CACNA1E: variants seen among roughly 807,000 people sequenced by gnomAD.
CACNA1E encodes the protein calcium voltage-gated channel subunit alpha1 E.
In CACNA1E, 40 loss-of-function variants were observed where a neutral mutation model predicts 259.2. The ratio of observed to expected loss-of-function variants is 0.15; its 90% CI spans 0.12 to 0.20. CACNA1E has a LOEUF of 0.20. CACNA1E is among the 10% of genes least tolerant of loss of function. The pLI is 1.00. For missense variants in CACNA1E, 1,874 were observed against 3,040.1 expected, an observed-to-expected ratio of 0.62 and a Z score of 9.02; for synonymous variants, 1,104 against 1,138.5, an observed-to-expected ratio of 0.97 and a Z score of 0.61.
rs202113478 is a variant in CACNA1E, at chr1:181,716,293, A to AT, written c.1315+167dup. On this transcript the variant is annotated intron_variant, in intron 10 of 47. Coordinates refer to ENST00000367573, the MANE Select transcript of CACNA1E (RefSeq NM_001205293.3). ...AATCGAATCTAGATTACAATGATTTATTTAAAAAAAAAAAAAAAAGGACCT... is the reference window on the plus strand; with the variant it reads ...AATCGAATCTAGATTACAATGATTTATTTTAAAAAAAAAAAAAAAAGGACCT... 1.4e-4 allele frequency among the ~76,000 whole-genome samples: 16 copies of AT among 118,386 alleles called. 1 individual carries two copies. In the South Asian group the frequency reaches 1.8e-3, roughly 13 times the overall value. 77.7% of individuals were successfully genotyped at this position (118,386 alleles called of 152,430 possible). A position where few individuals can be genotyped will look rare whatever the true frequency, so the allele number is the denominator to read the frequency against.
rs748785554 is a variant in CACNA1E at position 181,798,869 on chromosome 1, C to T, written c.*35C>T. The stretch of plus-strand genomic sequence containing the variant: ...CCCCCTCCGATGCATGCTCTTCTCT[C>T]ACATGGAGAAAACCAAGACAGAATT... On this transcript the variant is annotated 3_prime_UTR_variant, in exon 48 of 48. Transcript: ENST00000367573. This position sits in a 1 kb window ranked among gnomAD's most constrained non-coding sequence, Gnocchi z 4.2. 2.0e-6 allele frequency: 3 copies of T among 1,469,852 alleles called. No homozygotes were observed. The allele number at this position is 1,469,852 out of a possible 1,614,324, so 91.1% of individuals were successfully genotyped here. A position where few individuals can be genotyped will look rare whatever the true frequency, so the allele number is the denominator to read the frequency against.
At chr1:181,436,975 T>C (rs1287110801) in intron 2 of CACNA1E, among the ~76,000 whole-genome samples, 1 of 152,074 alleles carries the variant, frequency 6.6e-6, no homozygotes, top group Non-Finnish European at 1.5e-5. Flanking sequence ...ACCCCATAAA[T>C]ATATACAATT....
chr1:181,393,715 C>A (rs150175090), intron 1 of CACNA1E, among the ~76,000 whole-genome samples: 3,870 of 152,300 alleles, frequency 0.025, 173 homozygotes, highest in African/African-American at 0.086. Context: ...GCCTCAGCCT[C>A]CCAAAGTGCT....
At chr1:181,525,052 T>G (rs1160847306) in intron 3 of CACNA1E, among the ~76,000 whole-genome samples, 1 of 152,208 alleles carries the variant, frequency 6.6e-6, no homozygotes, top group Non-Finnish European at 1.5e-5. Flanking sequence ...AGATAAATAA[T>G]AAGATACCTG....
chr1:181,664,748 T>C (rs992976940), intron 7 of CACNA1E, among the ~76,000 whole-genome samples: 1 of 151,682 alleles, frequency 6.6e-6, no homozygotes, highest in Non-Finnish European at 1.5e-5. Flanking sequence ...TGCAGAGGTA[T>C]GGCGGGGGTG....
At chr1:181,731,067 G>A (rs1655427078) in intron 18 of CACNA1E, 108 bp from the exon 19 acceptor site, 3 of 797,182 alleles carry the variant, frequency 3.8e-6, no homozygotes, top group Admixed American at 2.0e-5. Flanking sequence ...GAGACCTGAT[G>A]GCCACACAGA....
At chr1:181,596,905 G>A (rs527772865) in intron 6 of CACNA1E, among the ~76,000 whole-genome samples, 11 of 152,052 alleles carry the variant, frequency 7.2e-5, no homozygotes, top group Non-Finnish European at 1.6e-4. Flanking sequence ...TGGGGTAGGG[G>A]CCTAGGTGTC....
intron 2 of CACNA1E, among the ~76,000 whole-genome samples, chr1:181,462,094 G>T (rs1035291745): frequency 1.3e-5 from 2 of 152,082 alleles, no homozygotes; most frequent in African/African-American, 4.8e-5. Flanking sequence ...ATGTGATTTT[G>T]AATAATTGCA....
chr1:181,711,978 G>A (rs1653416829), intron 8 of CACNA1E, among the ~76,000 whole-genome samples: 1 of 152,184 alleles, frequency 6.6e-6, no homozygotes, highest in South Asian at 2.1e-4. Context: ...GATAAGGCTG[G>A]AAGCAGAGGG....
chr1:181,586,549 C>T (rs1269405145), intron 6 of CACNA1E, among the ~76,000 whole-genome samples: 1 of 152,022 alleles, frequency 6.6e-6, no homozygotes, highest in East Asian at 1.9e-4. Flanking sequence ...AACCTGGTGT[C>T]CTGGGGCCAA....
At chr1:181,562,123 A>C (rs546819981) in intron 3 of CACNA1E, among the ~76,000 whole-genome samples, 1 of 151,836 alleles carries the variant, frequency 6.6e-6, no homozygotes, top group Non-Finnish European at 1.5e-5. Flanking sequence ...ATGATTTTTA[A>C]ATTTTTTGCT....
intron 8 of CACNA1E, among the ~76,000 whole-genome samples, 195 bp downstream of exon 8, chr1:181,711,264 C>T (rs1255689261): frequency 1.3e-5 from 2 of 152,248 alleles, no homozygotes; most frequent in African/African-American, 4.8e-5. Context: ...GTCTATCAAA[C>T]TGTCCCAACA....
intron 7 of CACNA1E, among the ~76,000 whole-genome samples, chr1:181,688,595 G>A (rs2102308116): frequency 6.6e-6 from 1 of 152,254 alleles, no homozygotes; most frequent in African/African-American, 2.4e-5. Flanking sequence ...TGTATATATT[G>A]TGAAATGTTT....
At chr1:181,712,479 G>A (rs1309798426) in intron 8 of CACNA1E, among the ~76,000 whole-genome samples, 1 of 152,112 alleles carries the variant, frequency 6.6e-6, no homozygotes, top group Non-Finnish European at 1.5e-5. Flanking sequence ...AACACTTACT[G>A]TGACTGCCAA....
chr1:181,367,583 TATATA>T (rs1461430302), intron 1 of CACNA1E, among the ~76,000 whole-genome samples: 3 of 139,008 alleles, frequency 2.2e-5, no homozygotes, highest in Non-Finnish European at 4.7e-5. Context: ...AATACTATAA[TATATA>T]ATATATAACT....
intron 15 of CACNA1E, 93 bp from the exon 16 acceptor site, chr1:181,721,665 C>G (rs943924169): frequency 4.6e-6 from 3 of 658,226 alleles, no homozygotes; most frequent in Non-Finnish European, 8.0e-6. Flanking sequence ...GGGGTAGATG[C>G]AAAAGACCCA....
chr1:181,420,367 A>G (rs1658638797), intron 2 of CACNA1E, among the ~76,000 whole-genome samples: 1 of 152,192 alleles, frequency 6.6e-6, no homozygotes, highest in African/African-American at 2.4e-5. Flanking sequence ...CCCACTTTTC[A>G]GGTGATGAGG....
chr1:181,467,989 C>T (rs1451945913), intron 2 of CACNA1E, among the ~76,000 whole-genome samples: 2 of 152,168 alleles, frequency 1.3e-5, no homozygotes, highest in Admixed American at 6.5e-5. Flanking sequence ...AATTATGTGA[C>T]TCAGAAATGC....
chr1:181,368,103 C>T lies in CACNA1E; in HGVS notation c.-14-45030C>T, dbSNP rs1029114833. ...AAAATAAGCTGGGTGTGGTGGTGCA[C>T]ACCTGTAATCCCAGCTATTGGTGAG... On this transcript the variant is annotated intron_variant, in intron 1 of 11. Transcript: ENST00000524607. Among the ~76,000 whole-genome samples the T allele has an allele frequency of 1.1e-4, 16 of 152,014 alleles. 1 individual carries two copies. The highest frequency in any genetic ancestry group is 1.5e-5 in the Non-Finnish European group (1 of 68,006).
Sources: allele counts gnomAD v4.1 joint callset (sites outside exome capture counted in the v4.1 genomes callset), GRCh38; gene constraint gnomAD v4.1.1; non-coding constraint Gnocchi (gnomAD v3.1); transcripts MANE v1.5; gene names NCBI Gene and HGNC (gene_info 2026-07-23, HGNC 2026-07-21).